Variants in PIK3C2G observed in about 807,000 individuals in gnomAD.
PIK3C2G encodes the protein phosphatidylinositol 3-kinase C2 domain-containing subunit gamma.
PIK3C2G carries 168 observed loss-of-function variants against 181.1 expected under a neutral mutation model. The ratio of observed to expected loss-of-function variants is 0.93; its 90% CI spans 0.82 to 1.05. PIK3C2G has a LOEUF of 1.05. Among genes scored for constraint, PIK3C2G ranks in the 50% least tolerant of loss-of-function variants. The pLI is 0.00. For synonymous variants in PIK3C2G, 573 were observed against 592.2 expected (o/e 0.97, Z 0.47); for missense variants, 1,869 against 1,732.8 (o/e 1.08, Z -1.40).
chr12:18,343,303 G>T, intron 9 of PIK3C2G, 24 bp from the exon 10 acceptor site: 1 of 1,255,932 alleles, frequency 8.0e-7, no homozygotes, highest in South Asian at 1.3e-5. Context: ...CGAATAACAA[G>T]TATAATTTTA....
intron 15 of PIK3C2G, among the ~76,000 whole-genome samples, chr12:18,397,780 AG>A (rs1345368991): frequency 6.6e-6 from 1 of 152,138 alleles, no homozygotes; most frequent in Non-Finnish European, 1.5e-5. Flanking sequence ...ATTTCCTAGG[AG>A]AAATGAAAAA....
At chr12:18,466,777 C>G (rs1048743244) in intron 18 of PIK3C2G, among the ~76,000 whole-genome samples, 1 of 151,902 alleles carries the variant, frequency 6.6e-6, no homozygotes, top group Non-Finnish European at 1.5e-5. Flanking sequence ...GGAGAAAGTC[C>G]TCTTAAGATG....
At chr12:18,485,822 A>C (rs1939967320) in intron 18 of PIK3C2G, among the ~76,000 whole-genome samples, 2 of 152,140 alleles carry the variant, frequency 1.3e-5, no homozygotes, top group Non-Finnish European at 2.9e-5. Flanking sequence ...TGCCTCTCCC[A>C]GGTTACGGCA....
At chr12:18,333,175 T>A (rs983088010) in intron 8 of PIK3C2G, among the ~76,000 whole-genome samples, 1 of 152,218 alleles carries the variant, frequency 6.6e-6, no homozygotes, top group Non-Finnish European at 1.5e-5. Flanking sequence ...TTGGTTTACT[T>A]GGTCACTTTA....
chr12:18,437,482 T>G (rs1473161641), intron 18 of PIK3C2G, among the ~76,000 whole-genome samples: 3 of 151,988 alleles, frequency 2.0e-5, no homozygotes, highest in Non-Finnish European at 4.4e-5. Flanking sequence ...TAGTGACTCT[T>G]TAGACTTGAC....
the PIK3C2G span, among the ~76,000 whole-genome samples, chr12:18,722,890 C>T: frequency 1.3e-5 from 2 of 151,544 alleles, no homozygotes; most frequent in Admixed American, 6.6e-5. Context: ...TTTCATTTAG[C>T]ACATTTAATT....
chr12:18,692,733 A>T, the PIK3C2G span: 9 of 914,284 alleles, frequency 9.8e-6, no homozygotes, highest in African/African-American at 1.7e-5. Context: ...TAAAGAAAAA[A>T]TGTTAAAAGC....
intron 16 of PIK3C2G, among the ~76,000 whole-genome samples, chr12:18,405,405 G>GTTGTTA (rs1555180382): frequency 1.2e-4 from 17 of 146,802 alleles, no homozygotes; most frequent in African/African-American, 4.6e-4. Flanking sequence ...TTGTGTTGTT[G>GTTGTTA]TTGTTGTTGT....
At chr12:18,266,073 A>G (rs1948486227) in intron 1 of PIK3C2G, among the ~76,000 whole-genome samples, 1 of 150,366 alleles carries the variant, frequency 6.7e-6, no homozygotes, top group Non-Finnish European at 1.5e-5. Flanking sequence ...TATTTGCATA[A>G]TGTTCTTAAT....
At chr12:18,565,973 G>A (rs949973115) in intron 28 of PIK3C2G, among the ~76,000 whole-genome samples, 1 of 151,944 alleles carries the variant, frequency 6.6e-6, no homozygotes, top group African/African-American at 2.4e-5. Flanking sequence ...TATCTTCTAT[G>A]CTATATGCTC....
chr12:18,372,900 T>A (rs1282957109), intron 13 of PIK3C2G, among the ~76,000 whole-genome samples: 5 of 152,160 alleles, frequency 3.3e-5, no homozygotes, highest in Non-Finnish European at 7.4e-5. Flanking sequence ...AGAGATGGCA[T>A]CTGGGACTGA....
At chr12:18,312,568 G>GGGAAGGA (rs1240943566) in intron 5 of PIK3C2G, among the ~76,000 whole-genome samples, 2 of 152,062 alleles carry the variant, frequency 1.3e-5, no homozygotes, top group African/African-American at 2.4e-5. Flanking sequence ...GCAAACCTTT[G>GGGAAGGA]GGAAGGAGGA....
intron 30 of PIK3C2G, among the ~76,000 whole-genome samples, chr12:18,602,353 C>A (rs1947773357): frequency 6.6e-6 from 1 of 151,588 alleles, no homozygotes; most frequent in African/African-American, 2.4e-5. Context: ...CTCACGCCCA[C>A]CCCCCACAGC....
intron 31 of PIK3C2G, among the ~76,000 whole-genome samples, chr12:18,616,808 G>A (rs1225476232): frequency 6.6e-6 from 1 of 151,988 alleles, no homozygotes; most frequent in African/African-American, 2.4e-5. Flanking sequence ...GCAAAAAGCT[G>A]AAAATTTTTG....
At chr12:18,595,678 G>A (rs1286559920) in intron 30 of PIK3C2G, among the ~76,000 whole-genome samples, 1 of 152,138 alleles carries the variant, frequency 6.6e-6, no homozygotes. Flanking sequence ...GGCAGGGCCA[G>A]CTGTATCCAC....
rs1945168398 is a variant in PIK3C2G, at chr12:18,416,213, C to G, written c.2316-4728C>G. Among the ~76,000 whole-genome samples, 3 of 151,888 alleles carry G rather than the reference C, an allele frequency of 2.0e-5. No individual in the cohort carries two copies. The South Asian group carries it at 6.2e-4, about 32-fold the overall frequency. ...TGGGCTGAGATTGCACCACTGCACT[C>G]TAGCCTGGGCAATGGAGCAAGACTC... On this transcript the variant is annotated intron_variant, in intron 16 of 32. Coordinates refer to ENST00000538779, the MANE Select transcript of PIK3C2G (RefSeq NM_001288772.2).
rs543369086 is a variant in PIK3C2G, at chr12:18,317,107, G to C, written c.1137+3043G>C. On this transcript the variant is annotated intron_variant, in intron 6 of 32. Transcript: ENST00000538779. ...TGGCTCACTGCAACCTCCGCCTCCCGGGTTCAAGTGATTCTCCTGCCTCAG... is the reference window on the plus strand; with the variant it reads ...TGGCTCACTGCAACCTCCGCCTCCCCGGTTCAAGTGATTCTCCTGCCTCAG... Among the ~76,000 whole-genome samples, 5 of 147,086 alleles carry C rather than the reference G, an allele frequency of 3.4e-5. No homozygotes were observed. The Admixed American group carries it at 3.5e-4, about 10-fold the overall frequency.
chr12:18,586,899 C>G lies in PIK3C2G; in HGVS notation c.4012-7595C>G, dbSNP rs187860947. ...TCATCCCTGGGATGAAAGGTTGGGT[C>G]AACATATGCAAATCAATAAATGTAA... On this transcript the variant is annotated intron_variant, in intron 29 of 32. Transcript: ENST00000538779. Among the ~76,000 whole-genome samples, 882 of 152,074 alleles carry G rather than the reference C, an allele frequency of 5.8e-3. 2 individuals are homozygous for G. Among genetic ancestry groups the G allele is most frequent in the Middle Eastern group, 0.01 (3 of 294 alleles).
chr12:18,336,255 G>C (rs1290597315), intron 8 of PIK3C2G, among the ~76,000 whole-genome samples: 1 of 152,110 alleles, frequency 6.6e-6, no homozygotes, highest in Non-Finnish European at 1.5e-5. Flanking sequence ...TCACAGAAGA[G>C]GGAGTCTAGG....
Sources: gnomAD v4.1 joint callset for allele counts (sites outside exome capture counted in the v4.1 genomes callset) on GRCh38, gnomAD v4.1.1 for gene constraint, MANE v1.5 for transcripts, NCBI Gene and HGNC (gene_info 2026-07-23, HGNC 2026-07-21) for gene names.